The following KCND3 variants were observed in gnomAD, a reference collection of about 807,000 sequenced individuals.
The protein encoded by KCND3 is A-type voltage-gated potassium channel KCND3.
In KCND3, 9 loss-of-function variants were observed where a neutral mutation model predicts 51.1. That is an observed-to-expected ratio of 0.18 (90% CI 0.11 to 0.31). The LOEUF (loss-of-function observed/expected upper bound fraction) is 0.31. Among genes scored for constraint, KCND3 ranks in the 10% least tolerant of loss-of-function variants. The pLI is 1.00. For missense variants in KCND3, 526 were observed against 903.8 expected, an observed-to-expected ratio of 0.58 and a Z score of 5.36; for synonymous variants, 349 against 368.0, an observed-to-expected ratio of 0.95 and a Z score of 0.59.
chr1:111,851,326 G>T (rs938336422), intron 2 of KCND3, among the ~76,000 whole-genome samples: 1 of 152,194 alleles, frequency 6.6e-6, no homozygotes, highest in African/African-American at 2.4e-5. Context: ...TGTGGTAGGT[G>T]CTTGATAAAT....
In KCND3 at chr1:111,980,488, G is replaced by A. The variant is rs866775804; in HGVS notation, c.1106+1133C>T. 5.3e-4 allele frequency among the ~76,000 whole-genome samples: 78 copies of A among 147,270 alleles called. No individual in the cohort carries two copies. The Middle Eastern group carries it at 0.014, about 27-fold the overall frequency. The stretch of plus-strand genomic sequence containing the variant: ...CCAACACTATTGCCTCTGGGTTTTG[G>A]CCAGGAAAAAAAAAAATCAAATCAC... On this transcript the variant is annotated intron_variant, in intron 2 of 7. Coordinates refer to ENST00000302127, the MANE Select transcript of KCND3 (RefSeq NM_001378969.1).
chr1:111,785,804 G>A (rs1330970150), intron 3 of KCND3, among the ~76,000 whole-genome samples: 1 of 152,104 alleles, frequency 6.6e-6, no homozygotes, highest in Non-Finnish European at 1.5e-5. Flanking sequence ...CTGCTACCTG[G>A]AGGTTATCCC....
rs547303857 is a variant in KCND3, at chr1:111,855,872, G to A, written c.1107-68766C>T. Among the ~76,000 whole-genome samples the A allele has an allele frequency of 5.3e-5, 8 of 152,282 alleles. No homozygotes were observed. The South Asian group carries it at 1.7e-3, about 32-fold the overall frequency. On this transcript the variant is annotated intron_variant, in intron 2 of 7. Transcript: ENST00000302127. ...ATCTAGGCTAACTGGATGAGGGGAG[G>A]GAGTGGGACCAAAGCCTAGGAGAAG...
intron 2 of KCND3, among the ~76,000 whole-genome samples, chr1:111,905,911 T>C (rs145831128): frequency 1.4e-3 from 214 of 152,318 alleles, no homozygotes; most frequent in African/African-American, 5.0e-3. Flanking sequence ...CCTGCAGCAT[T>C]GGCCCCTGTA....
chr1:111,962,136 T>C (rs1174840778), intron 2 of KCND3, among the ~76,000 whole-genome samples: 1 of 152,240 alleles, frequency 6.6e-6, no homozygotes, highest in Non-Finnish European at 1.5e-5. Flanking sequence ...AGGCACATTA[T>C]AAACGTCATT....
intron 2 of KCND3, among the ~76,000 whole-genome samples, chr1:111,942,042 T>G (rs565680770): frequency 6.6e-6 from 1 of 152,014 alleles, no homozygotes; most frequent in Admixed American, 6.5e-5. Context: ...ACTTGGAGTA[T>G]AAGAGAAAAA....
chr1:111,785,190 C>T lies in KCND3; in HGVS notation c.1269+1754G>A, dbSNP rs549041186. Among the ~76,000 whole-genome samples, 21 of 152,340 alleles carry T rather than the reference C, an allele frequency of 1.4e-4. No individual in the cohort carries two copies. In the South Asian group the frequency reaches 3.9e-3, roughly 29 times the overall value. On this transcript the variant is annotated intron_variant, in intron 3 of 7. Transcript: ENST00000302127. ...GTGAGCTGAGGATTCCTGTGAACCT[C>T]ACCTGCTCTGCCAGAAGCCTGTGTC... is the stretch of plus-strand genomic sequence containing the variant.
intron 2 of KCND3, among the ~76,000 whole-genome samples, chr1:111,831,697 A>C (rs2101620847): frequency 6.6e-6 from 1 of 152,260 alleles, no homozygotes; most frequent in South Asian, 2.1e-4. Context: ...ATGTTCTCAA[A>C]TGTGGATCCA....
rs149344567 is a variant in KCND3, at chr1:111,776,247, C to T, written c.1798G>A (p.Gly600Arg). The T allele has an allele frequency of 9.4e-5, 152 of 1,613,968 alleles. No homozygotes were observed. Among genetic ancestry groups the T allele is most frequent in the Admixed American group, 1.5e-4 (9 of 59,980 alleles). ...RSSLNLKADDGLRPNCKTSQI... is the reference protein window; with the variant it reads ...RSSLNLKADDRLRPNCKTSQI... ...GATGTTTTGCAGTTTGGTCTCAGTCCGTCGTCTGCTTTCAAATTAAGGCTG... is the reference window on the plus strand; with the variant it reads ...GATGTTTTGCAGTTTGGTCTCAGTCTGTCGTCTGCTTTCAAATTAAGGCTG... Residue 600 changes from glycine to arginine, a missense_variant, in exon 8 of 8, where the codon GGA (glycine) becomes AGA (arginine). Coordinates refer to ENST00000302127, the MANE Select transcript of KCND3 (RefSeq NM_001378969.1).
intron 1 of KCND3, among the ~76,000 whole-genome samples, chr1:111,987,885 C>G (rs1675378372): frequency 6.6e-6 from 1 of 152,140 alleles, no homozygotes; most frequent in Non-Finnish European, 1.5e-5. Context: ...GCATTCAAAA[C>G]AGGTAAGCTC....
chr1:111,821,522 C>G (rs527285074), intron 2 of KCND3, among the ~76,000 whole-genome samples: 3 of 152,182 alleles, frequency 2.0e-5, no homozygotes, highest in Non-Finnish European at 4.4e-5. Flanking sequence ...CCTGGTTTCC[C>G]GCCTGCTCAG....
At chr1:111,871,677 G>C (rs759657084) in intron 2 of KCND3, among the ~76,000 whole-genome samples, 25 of 152,186 alleles carry the variant, frequency 1.6e-4, no homozygotes, top group Non-Finnish European at 3.5e-4. Flanking sequence ...CCTTCATCAA[G>C]GTTGGCAGAT....
At chr1:111,793,543 G>A (rs1211603453) in intron 2 of KCND3, among the ~76,000 whole-genome samples, 5 of 152,176 alleles carry the variant, frequency 3.3e-5, no homozygotes, top group Admixed American at 1.3e-4. Flanking sequence ...TTCAATAAAT[G>A]TTTGTTGAAT....
chr1:111,937,323 G>A (rs866545959), intron 2 of KCND3, among the ~76,000 whole-genome samples: 7 of 152,108 alleles, frequency 4.6e-5, no homozygotes, highest in Middle Eastern at 3.2e-3. Flanking sequence ...GGCCACCCCA[G>A]GCAACCCCTC....
intron 2 of KCND3, among the ~76,000 whole-genome samples, chr1:111,881,938 A>G (rs1424028715): frequency 1.3e-5 from 2 of 152,158 alleles, no homozygotes; most frequent in African/African-American, 4.8e-5. Flanking sequence ...TCAGAGTCAC[A>G]TGGTTCTGAG....
chr1:111,880,752 C>G (rs1669263266), intron 2 of KCND3, among the ~76,000 whole-genome samples: 1 of 152,204 alleles, frequency 6.6e-6, no homozygotes, highest in African/African-American at 2.4e-5. Flanking sequence ...TGCCTTCGCT[C>G]CTGCTATTCC....
chr1:111,815,160 T>A (rs1247371653), intron 2 of KCND3, among the ~76,000 whole-genome samples: 1 of 151,988 alleles, frequency 6.6e-6, no homozygotes, highest in Non-Finnish European at 1.5e-5. Flanking sequence ...CTAGAATCTA[T>A]GGGGCATCCA....
intron 2 of KCND3, among the ~76,000 whole-genome samples, chr1:111,800,552 T>A (rs530812): frequency 0.047 from 5,884 of 126,234 alleles, 354 homozygotes; most frequent in African/African-American, 0.15. Context: ...AAAATAAATT[T>A]AAAAAAAAAA....
At chr1:111,856,519 A>T (rs1442882940) in intron 2 of KCND3, among the ~76,000 whole-genome samples, 4 of 152,136 alleles carry the variant, frequency 2.6e-5, no homozygotes, top group African/African-American at 9.7e-5. Context: ...CCTCCCCTCC[A>T]AACCCGGGCT....
Sources: allele counts gnomAD v4.1 joint callset (sites outside exome capture counted in the v4.1 genomes callset), GRCh38; gene constraint gnomAD v4.1.1; transcripts MANE v1.5; gene names NCBI Gene and HGNC (gene_info 2026-07-23, HGNC 2026-07-21).